Variants in TDRD6 observed in about 807,000 individuals in gnomAD.
TDRD6 encodes tudor domain-containing protein 6.
In TDRD6, 186 loss-of-function variants were observed where a neutral mutation model predicts 157.5. The ratio of observed to expected loss-of-function variants is 1.18; its 90% CI spans 1.05 to 1.33. The LOEUF (loss-of-function observed/expected upper bound fraction) is 1.33. Among genes scored for constraint, TDRD6 ranks in the 40% most tolerant of loss-of-function variants. The pLI is 0.00. For missense variants in TDRD6, 3,066 were observed against 2,508.0 expected (o/e 1.22, Z -4.75); for synonymous variants, 1,075 against 945.2 (o/e 1.14, Z -2.52).
At position 46,689,192 on chromosome 6, in the gene TDRD6, G is replaced by A. The variant is rs752720493; in HGVS notation, c.1064G>A (p.Ser355Asn). Reference protein sequence around the residue: ...HVDYGRKELVSCSSLRYLLPE... With the variant: ...HVDYGRKELVNCSSLRYLLPE... ...GACTATGGAAGGAAGGAGTTAGTGAGTTGCAGCAGCCTTCGGTACTTGCTG... is the reference window on the plus strand; with the variant it reads ...GACTATGGAAGGAAGGAGTTAGTGAATTGCAGCAGCCTTCGGTACTTGCTG... The change falls in exon 1 of 4, where the codon AGT becomes AAT. Residue 355 changes from serine (S) to asparagine (N), a missense_variant. Transcript: ENST00000316081. The A allele has an allele frequency of 3.1e-6, 5 of 1,614,226 alleles. No homozygotes were observed. In the East Asian group the frequency reaches 1.1e-4, roughly 36 times the overall value.
chr6:46,686,691 T>A (rs1230296430), upstream of TDRD6, among the ~76,000 whole-genome samples: 1 of 147,332 alleles, frequency 6.8e-6, no homozygotes, highest in Admixed American at 6.7e-5. Context: ...AGAAATTGGA[T>A]TCATTCATTC....
rs137981136 is a variant in TDRD6 at position 46,701,754 on chromosome 6, C to G, written c.6262-104C>G. The G allele has an allele frequency of 6.1e-4, 656 of 1,083,066 alleles. 4 individuals are homozygous for G. The African/African-American group carries it at 8.9e-3, about 15-fold the overall frequency. 67.1% of individuals were successfully genotyped at this position (1,083,066 alleles called of 1,614,324 possible). A position where few individuals can be genotyped will look rare whatever the true frequency, so the allele number is the denominator to read the frequency against. ...ATTAGAATACTCATCTGTCCCCTCT[C>G]CCTTTTAGAGAACATTACATTTGTC... On this transcript the variant is annotated intron_variant, in intron 3 of 3. Transcript: ENST00000316081.
chr6:46,680,449 A>T, the TDRD6 span, among the ~76,000 whole-genome samples: 1 of 152,224 alleles, frequency 6.6e-6, no homozygotes, highest in Non-Finnish European at 1.5e-5. Context: ...TGTCATTAGG[A>T]TTCTTTATGC....
rs758023012 is a variant in TDRD6, at chr6:46,693,104, CAG to C, written c.4978_4979del (p.Glu1660ArgfsTer16). On this transcript the variant is annotated frameshift_variant, in exon 1 of 4. Coordinates refer to ENST00000316081, the MANE Select transcript of TDRD6 (RefSeq NM_001010870.3). LOFTEE classifies it high-confidence loss of function. ...AATGACTATTTCTATGAAATAATAA[CAG>C]AAGATGTGTTGGAAATAACAATACT... 5.0e-6 allele frequency: 8 copies of C among 1,613,444 alleles called. No individual in the cohort carries two copies. Among genetic ancestry groups the C allele is most frequent in the South Asian group, 1.1e-5 (1 of 90,978 alleles).
At chr6:46,698,767 T>A (rs1764555303) in intron 3 of TDRD6, among the ~76,000 whole-genome samples, 1 of 152,244 alleles carries the variant, frequency 6.6e-6, no homozygotes, top group South Asian at 2.1e-4. Context: ...TTGAGTAATT[T>A]TGGATTATAT....
In TDRD6 at chr6:46,690,586, A is replaced by G. The variant is rs770628723; in HGVS notation, c.2458A>G (p.Thr820Ala). 2.5e-6 allele frequency: 4 copies of G among 1,614,148 alleles called. No homozygotes were observed. The highest frequency in any genetic ancestry group is 1.3e-5 in the African/African-American group (1 of 75,022). The change falls in exon 1 of 4, where the codon ACC becomes GCC. Residue 820 changes from threonine to alanine, a missense_variant. Physicochemically the swap from Thr to Ala is moderately conservative, Grantham distance 58 (BLOSUM62 0). Transcript: ENST00000316081. ...TACAGCTGCTCCTCACCAGAGAAAC[A>G]CCCTTGCTTGTTTGGCTAAGCGAAC... The part of the protein sequence containing the change: ...KNTAAPHQRN[T>A]LACLAKRTVN...
At position 46,688,015 on chromosome 6, in the gene TDRD6, G is replaced by A. The variant is rs529650288; in HGVS notation, c.-114G>A. 1.2e-5 allele frequency: 16 copies of A among 1,366,170 alleles called. No individual in the cohort carries two copies. Among genetic ancestry groups the A allele is most frequent in the South Asian group, 9.8e-5 (6 of 61,254 alleles). The allele number at this position is 1,366,170 out of a possible 1,614,324, so 84.6% of individuals were successfully genotyped here. A position where few individuals can be genotyped will look rare whatever the true frequency, so the allele number is the denominator to read the frequency against. On this transcript the variant is annotated 5_prime_UTR_variant, in exon 1 of 4. Coordinates refer to ENST00000316081, the MANE Select transcript of TDRD6 (RefSeq NM_001010870.3). ...CTCGCCGGCATTCTTCCCCTCCACTGGGTCCTTTGAACCTAGTTTGGCTGG... is the reference window on the plus strand; with the variant it reads ...CTCGCCGGCATTCTTCCCCTCCACTAGGTCCTTTGAACCTAGTTTGGCTGG...
At position 46,692,424 on chromosome 6, in the gene TDRD6, G is replaced by T. The variant is rs1764358886; in HGVS notation, c.4296G>T (p.Lys1432Asn). 4 of 1,614,110 alleles carry T rather than the reference G, an allele frequency of 2.5e-6. No homozygotes were observed. Among genetic ancestry groups the T allele is most frequent in the Non-Finnish European group, 3.4e-6 (4 of 1,180,012 alleles). The change falls in exon 1 of 4, where the codon AAG (lysine) becomes AAT (asparagine). Residue 1432 changes from lysine to asparagine, a missense_variant. By Grantham distance (94) the Lys-to-Asn change is moderately conservative. Coordinates refer to ENST00000316081, the MANE Select transcript of TDRD6 (RefSeq NM_001010870.3). ...GFEVPDNKNS[K>N]KMMHYFSQRT... is the part of the protein sequence containing the mutation. ...AGGTTCCTGACAATAAAAATTCTAAGAAAATGATGCATTACTTTTCCCAAC... is the reference window on the plus strand; with the variant it reads ...AGGTTCCTGACAATAAAAATTCTAATAAAATGATGCATTACTTTTCCCAAC...
rs140838399 is a variant in TDRD6 at position 46,691,128 on chromosome 6, A to G, written c.3000A>G (p.Thr1000=). The G allele has an allele frequency of 2.2e-5, 35 of 1,613,730 alleles. No homozygotes were observed. The African/African-American group carries it at 3.7e-4, about 17-fold the overall frequency. Residue 1000 remains threonine (T), a synonymous_variant, in exon 1 of 4, where the codon ACA becomes ACG. Coordinates refer to ENST00000316081, the MANE Select transcript of TDRD6 (RefSeq NM_001010870.3). Reference sequence around the variant, plus strand: ...TAACGCATATTGATGACCCTTGGACATTTTATTGCCAGCTGGCAAGAAATG... The same window carrying G: ...TAACGCATATTGATGACCCTTGGACGTTTTATTGCCAGCTGGCAAGAAATG... ...VYITHIDDPW[T]FYCQLARNAN... is the part of the protein sequence containing the mutation.
chr6:46,691,002 A>G lies in TDRD6; in HGVS notation c.2874A>G (p.Arg958=), dbSNP rs1332463090. The change falls in exon 1 of 4, where the codon AGA becomes AGG. Residue 958 remains arginine (R), a synonymous_variant. Transcript: ENST00000316081. ...TCTTGGTAGAAAAGAGACTTGCAAG[A>G]CCAGTAAAACTTCAGAAGCCTTTGG... ...CHFLVEKRLA[R]PVKLQKPLES... 3.1e-6 allele frequency: 5 copies of G among 1,613,856 alleles called. No homozygotes were observed. The African/African-American group carries it at 6.7e-5, about 22-fold the overall frequency.
Position 46,687,911 on chromosome 6 carries a change from T to G in TDRD6, c.-218T>G. 1 of 625,878 alleles carries G rather than the reference T, an allele frequency of 1.6e-6. No homozygotes were observed. The highest frequency in any genetic ancestry group is 3.0e-5 in the South Asian group (1 of 33,332). The allele number at this position is 625,878 out of a possible 1,614,324, so 38.8% of individuals were successfully genotyped here. A position where few individuals can be genotyped will look rare whatever the true frequency, so the allele number is the denominator to read the frequency against. ...TGCCCGGAAGCGCGACCTCGGGCGG[T>G]TGGAGGGGCTACCGGGTCTTACCAG... On this transcript the variant is annotated 5_prime_UTR_variant, in exon 1 of 4. Transcript: ENST00000316081.
In TDRD6 at chr6:46,692,911, G is replaced by A; in HGVS notation, c.4783G>A (p.Asp1595Asn). 1 of 1,614,102 alleles carries A rather than the reference G, an allele frequency of 6.2e-7. No homozygotes were observed. Among genetic ancestry groups the A allele is most frequent in the Non-Finnish European group, 8.5e-7 (1 of 1,180,002 alleles). Reference protein sequence around the residue: ...YRALITNICEDYLVSVRLVDF... With the variant: ...YRALITNICENYLVSVRLVDF... ...GGCACTTATCACTAATATTTGTGAA[G>A]ATTATCTTGTATCTGTCAGGCTTGT... Residue 1595 changes from aspartate (D) to asparagine (N), a missense_variant, in exon 1 of 4, where the codon GAT (aspartate) becomes AAT (asparagine). Transcript: ENST00000316081.
chr6:46,700,225 A>G (rs1764589267), intron 3 of TDRD6, among the ~76,000 whole-genome samples: 1 of 152,210 alleles, frequency 6.6e-6, no homozygotes, highest in Non-Finnish European at 1.5e-5. Flanking sequence ...AAAATTATAT[A>G]TCTAGATAAG....
Position 46,693,969 on chromosome 6 carries a change from AT to A in TDRD6, c.5842del (p.Ser1948LeufsTer25). 6.2e-7 allele frequency: 1 copy of A among 1,613,788 alleles called. No homozygotes were observed. Among genetic ancestry groups the A allele is most frequent in the Non-Finnish European group, 8.5e-7 (1 of 1,179,866 alleles). ...EDMRKSSCVE[S>X]FDDQRRMSLH... The stretch of plus-strand genomic sequence containing the variant: ...ACATGAGAAAGTCAAGTTGTGTAGA[AT>A]CTTTTGATGACCAGCGCAGGATGTC... On this transcript the variant is annotated frameshift_variant, in exon 1 of 4. Coordinates refer to ENST00000316081, the MANE Select transcript of TDRD6 (RefSeq NM_001010870.3). LOFTEE classifies it high-confidence loss of function.
rs1764237726 is a variant in TDRD6, at chr6:46,689,471, A to C, written c.1343A>C (p.Gln448Pro). 3 of 1,613,606 alleles carry C rather than the reference A, an allele frequency of 1.9e-6. No homozygotes were observed. Among genetic ancestry groups the C allele is most frequent in the Non-Finnish European group, 1.7e-6 (2 of 1,180,032 alleles). ...QSCCLADRVL[Q>P]SQATEEEEPE... The stretch of plus-strand genomic sequence containing the variant: ...TGTTGCTTGGCTGACCGAGTCCTTC[A>C]GAGCCAGGCAACAGAGGAGGAGGAA... Residue 448 changes from glutamine (Q) to proline (P), a missense_variant, in exon 1 of 4, where the codon CAG (glutamine) becomes CCG (proline). Gln to Pro is a moderately conservative substitution (Grantham distance 76, BLOSUM62 -1). Coordinates refer to ENST00000316081, the MANE Select transcript of TDRD6 (RefSeq NM_001010870.3).
rs555353451 is a variant in TDRD6 at position 46,703,688 on chromosome 6, G to A, written c.*1801G>A. On this transcript the variant is annotated 3_prime_UTR_variant, in exon 4 of 4. Transcript: ENST00000316081. ...GCTATATTTTTACCTCCATTTAATC[G>A]TGTTATTCTGTTTTACTACTACATA... 41 of 151,938 alleles carry A rather than the reference G, an allele frequency of 2.7e-4. No homozygotes were observed. The South Asian group carries it at 3.3e-3, about 12-fold the overall frequency. The allele number at this position is 151,938 out of a possible 1,614,324, so 9.4% of individuals were successfully genotyped here.
Position 46,693,569 on chromosome 6 carries a change from C to G in TDRD6, c.5441C>G (p.Thr1814Arg). 2.5e-6 allele frequency: 4 copies of G among 1,614,114 alleles called. No individual in the cohort carries two copies. Among genetic ancestry groups the G allele is most frequent in the Middle Eastern group, 3.3e-4 (2 of 6,062 alleles). Residue 1814 changes from threonine to arginine, a missense_variant, in exon 1 of 4, where the codon ACA becomes AGA. Physicochemically the swap from Thr to Arg is moderately conservative, Grantham distance 71. Coordinates refer to ENST00000316081, the MANE Select transcript of TDRD6 (RefSeq NM_001010870.3). ...GAGTTTGATGATAAATACCTGATTA[C>G]AGGATTTAACACATTACTACCACAT... ...KAEFDDKYLI[T>R]GFNTLLPHAN... is the part of the protein sequence containing the mutation.
In TDRD6 at chr6:46,687,918, G is replaced by A; in HGVS notation, c.-211G>A. 1.4e-6 allele frequency: 1 copy of A among 696,288 alleles called. No individual in the cohort carries two copies. The highest frequency in any genetic ancestry group is 3.5e-5 in the East Asian group (1 of 28,860). 43.1% of individuals were successfully genotyped at this position (696,288 alleles called of 1,614,324 possible). A position where few individuals can be genotyped will look rare whatever the true frequency, so the allele number is the denominator to read the frequency against. The stretch of plus-strand genomic sequence containing the variant: ...AAGCGCGACCTCGGGCGGTTGGAGG[G>A]GCTACCGGGTCTTACCAGTCCGTGG... On this transcript the variant is annotated 5_prime_UTR_variant, in exon 1 of 4. Coordinates refer to ENST00000316081, the MANE Select transcript of TDRD6 (RefSeq NM_001010870.3).
At chr6:46,698,980 A>G (rs1764561358) in intron 3 of TDRD6, among the ~76,000 whole-genome samples, 1 of 152,222 alleles carries the variant, frequency 6.6e-6, no homozygotes, top group African/African-American at 2.4e-5. Context: ...TAAGCCACCC[A>G]GGGTAGTCAG....
Sources: gnomAD v4.1 joint callset for allele counts (sites outside exome capture counted in the v4.1 genomes callset) on GRCh38, gnomAD v4.1.1 for gene constraint, MANE v1.5 for transcripts, NCBI Gene and HGNC (gene_info 2026-07-23, HGNC 2026-07-21) for gene names.